WDFY2: variants seen among roughly 807,000 people sequenced by gnomAD.
WDFY2 encodes the protein WD repeat and FYVE domain-containing protein 2.
A neutral mutation model predicts 56.4 loss-of-function variants in WDFY2; 36 were observed. The observed-to-expected ratio is 0.64, with a 90% CI of 0.49 to 0.84. The LOEUF is 0.84. Among genes scored for constraint, WDFY2 ranks in the 40% least tolerant of loss-of-function variants. WDFY2 has a pLI of 0.00. For synonymous variants in WDFY2, 176 were observed against 183.7 expected (o/e 0.96, Z 0.34); for missense variants, 444 against 512.2 (o/e 0.87, Z 1.29).
At chr13:51,602,514 C>A (rs1435044722) in intron 1 of WDFY2, among the ~76,000 whole-genome samples, 1 of 152,170 alleles carries the variant, frequency 6.6e-6, no homozygotes, top group Non-Finnish European at 1.5e-5. Flanking sequence ...TCTCACATAA[C>A]AAAACATGTG....
At chr13:51,589,866 G>C (rs555383088) in intron 1 of WDFY2, 7 of 152,294 alleles carry the variant, frequency 4.6e-5, no homozygotes, top group African/African-American at 1.7e-4. Context: ...GAGGGAACTT[G>C]TCCTGTATGA....
At chr13:51,604,180 G>A (rs1250287094) in intron 1 of WDFY2, among the ~76,000 whole-genome samples, 1 of 152,158 alleles carries the variant, frequency 6.6e-6, no homozygotes, top group Non-Finnish European at 1.5e-5. Context: ...CTTTTGTGCT[G>A]TAAAGGATAA....
intron 1 of WDFY2, among the ~76,000 whole-genome samples, chr13:51,629,592 A>G (rs1200895825): frequency 6.6e-6 from 1 of 152,204 alleles, no homozygotes; most frequent in African/African-American, 2.4e-5. Flanking sequence ...ATTGCACTCT[A>G]CATAGAGGAT....
At chr13:51,636,570 G>T (rs773717474) in intron 1 of WDFY2, among the ~76,000 whole-genome samples, 15 of 152,284 alleles carry the variant, frequency 9.9e-5, no homozygotes, top group Admixed American at 2.6e-4. Context: ...ACTCCACAAA[G>T]TATATTTACC....
chr13:51,716,331 A>G (rs1952344913), intron 4 of WDFY2, among the ~76,000 whole-genome samples: 1 of 152,224 alleles, frequency 6.6e-6, no homozygotes, highest in South Asian at 2.1e-4. Flanking sequence ...AGTGAATTAT[A>G]CACTATAAAA....
chr13:51,757,829 G>C (rs1372277301), intron 10 of WDFY2, among the ~76,000 whole-genome samples: 2 of 146,324 alleles, frequency 1.4e-5, no homozygotes, highest in Non-Finnish European at 3.0e-5. Flanking sequence ...GTACTATCTT[G>C]GTCCTTTTTT....
intron 1 of WDFY2, among the ~76,000 whole-genome samples, chr13:51,645,349 A>G (rs1470080485): frequency 6.6e-6 from 1 of 152,080 alleles, no homozygotes; most frequent in East Asian, 1.9e-4. Context: ...AAGTTACTTC[A>G]GTTGTGGCAA....
At chr13:51,717,687 A>G (rs1282710646) in intron 4 of WDFY2, among the ~76,000 whole-genome samples, 1 of 152,134 alleles carries the variant, frequency 6.6e-6, no homozygotes, top group African/African-American at 2.4e-5. Context: ...CGATAGAGAC[A>G]TAAAAAGATC....
intron 1 of WDFY2, among the ~76,000 whole-genome samples, chr13:51,639,725 T>C (rs911770481): frequency 6.6e-5 from 10 of 152,206 alleles, no homozygotes; most frequent in African/African-American, 2.4e-4. Flanking sequence ...ATGTGGAATC[T>C]GAATTATTTT....
chr13:51,623,046 C>T (rs1189722032), intron 1 of WDFY2, among the ~76,000 whole-genome samples: 1 of 151,732 alleles, frequency 6.6e-6, no homozygotes, highest in Non-Finnish European at 1.5e-5. Context: ...TTAGTGGAGA[C>T]GGGGTTTTGC....
rs1418621253 is a variant in WDFY2 at position 51,584,546 on chromosome 13, C to G, written c.-142C>G. 3.2e-5 allele frequency: 38 copies of G among 1,193,314 alleles called. No individual in the cohort carries two copies. Among genetic ancestry groups the G allele is most frequent in the Non-Finnish European group, 3.6e-5 (32 of 886,210 alleles). The allele number at this position is 1,193,314 out of a possible 1,614,324, so 73.9% of individuals were successfully genotyped here. A position where few individuals can be genotyped will look rare whatever the true frequency, so the allele number is the denominator to read the frequency against. On this transcript the variant is annotated 5_prime_UTR_variant, in exon 1 of 12. Transcript: ENST00000298125. ...CGGAGTCGTTCCCGAGAGAGGCGGC[C>G]AGGCTATGCTCGCCGGTTTCCGGCG... is the stretch of plus-strand genomic sequence containing the variant.
intron 1 of WDFY2, among the ~76,000 whole-genome samples, chr13:51,600,189 T>C (rs1954241615): frequency 6.6e-6 from 1 of 152,160 alleles, no homozygotes; most frequent in Non-Finnish European, 1.5e-5. Context: ...CAATATAGGT[T>C]TGTGTTGTGT....
chr13:51,648,702 C>T (rs1368029836), intron 1 of WDFY2, among the ~76,000 whole-genome samples: 1 of 152,030 alleles, frequency 6.6e-6, no homozygotes, highest in Non-Finnish European at 1.5e-5. Flanking sequence ...CAAACCTGCA[C>T]GTTCTGCACA....
chr13:51,620,426 T>C (rs1440264234), intron 1 of WDFY2, among the ~76,000 whole-genome samples: 1 of 151,978 alleles, frequency 6.6e-6, no homozygotes, highest in Non-Finnish European at 1.5e-5. Context: ...CTGGTGGTGC[T>C]CTGGCGGGCT....
At position 51,727,685 on chromosome 13, in the gene WDFY2, G is replaced by A. The variant is rs1290537307; in HGVS notation, c.493G>A (p.Val165Ile). The A allele has an allele frequency of 6.2e-7, 1 of 1,613,028 alleles. No individual in the cohort carries two copies. Among genetic ancestry groups the A allele is most frequent in the Non-Finnish European group, 8.5e-7 (1 of 1,179,734 alleles). The stretch of plus-strand genomic sequence containing the variant: ...TTAATGCTTTCATGACAGATTTGAT[G>A]TTGAAACCCGGCATGTGTTTATCGG... The part of the protein sequence containing the change: ...SAVASGLQFD[V>I]ETRHVFIGDH... Residue 165 changes from valine (V) to isoleucine (I), a missense_variant, in exon 6 of 12, where the codon GTT (valine) becomes ATT (isoleucine). Transcript: ENST00000298125.
At chr13:51,641,825 C>CAAAA (rs750489541) in intron 1 of WDFY2, among the ~76,000 whole-genome samples, 26 of 37,398 alleles carry the variant, frequency 7.0e-4, no homozygotes, top group Non-Finnish European at 9.8e-4. Flanking sequence ...GACTCCGTCT[C>CAAAA]AAAAAAAAAA....
chr13:51,659,070 G>A (rs1410157428), intron 1 of WDFY2, among the ~76,000 whole-genome samples: 1 of 151,986 alleles, frequency 6.6e-6, no homozygotes, highest in Non-Finnish European at 1.5e-5. Flanking sequence ...GGGATTATGG[G>A]CGTCCACCAC....
At chr13:51,650,582 C>T (rs1285355406) in intron 1 of WDFY2, among the ~76,000 whole-genome samples, 12 of 152,090 alleles carry the variant, frequency 7.9e-5, no homozygotes, top group African/African-American at 2.2e-4. Flanking sequence ...TTTTGAGATA[C>T]GTCCCATCAA....
At chr13:51,596,148 C>T (rs1208451927) in intron 1 of WDFY2, among the ~76,000 whole-genome samples, 2 of 151,958 alleles carry the variant, frequency 1.3e-5, no homozygotes, top group Middle Eastern at 3.2e-3. Flanking sequence ...CATTATATTT[C>T]GATTTGGGGG....
Sources: allele counts gnomAD v4.1 joint callset (sites outside exome capture counted in the v4.1 genomes callset), GRCh38; gene constraint gnomAD v4.1.1; transcripts MANE v1.5; gene names NCBI Gene and HGNC (gene_info 2026-07-23, HGNC 2026-07-21).